The following TFEC variants were observed in gnomAD, a reference collection of about 807,000 sequenced individuals.
TFEC encodes the protein class E basic helix-loop-helix protein 34.
In TFEC, 31 loss-of-function variants were observed where a neutral mutation model predicts 41.6. That is an observed-to-expected ratio of 0.74 (90% CI 0.56 to 1.01). TFEC has a LOEUF of 1.01. Among genes scored for constraint, TFEC ranks in the 50% least tolerant of loss-of-function variants. The pLI is 0.00. For missense variants in TFEC, 402 were observed against 404.1 expected (o/e 0.99, Z 0.04); for synonymous variants, 143 against 140.6 (o/e 1.02, Z -0.12).
rs140863148 is a variant in TFEC, at chr7:115,951,647, G to A, written c.440-698C>T. The stretch of plus-strand genomic sequence containing the variant: ...AAAGATTCTAATTTTAGTGTGTCCT[G>A]GAAGTAGGGGGACAAGAGTGGGCAA... On this transcript the variant is annotated intron_variant, in intron 5 of 7. Transcript: ENST00000265440. 2.6e-5 allele frequency among the ~76,000 whole-genome samples: 4 copies of A among 152,192 alleles called. No homozygotes were observed. The East Asian group carries it at 7.7e-4, about 29-fold the overall frequency.
chr7:116,107,690 C>T (rs144835022), intron 3 of TFEC, among the ~76,000 whole-genome samples: 22 of 152,174 alleles, frequency 1.4e-4, no homozygotes, highest in African/African-American at 4.3e-4. Flanking sequence ...TTACTCTTAC[C>T]GGGAATCATC....
At chr7:115,974,285 T>G in intron 2 of TFEC, 29 bp from the exon 3 acceptor site, 1 of 1,464,002 alleles carries the variant, frequency 6.8e-7, no homozygotes, top group Non-Finnish European at 9.1e-7. Flanking sequence ...TTTAGAATAT[T>G]GTACATAATG....
At chr7:116,098,549 C>A (rs1382393357) in intron 3 of TFEC, among the ~76,000 whole-genome samples, 1 of 151,708 alleles carries the variant, frequency 6.6e-6, no homozygotes, top group East Asian at 1.9e-4. Context: ...CACCAAACAA[C>A]AGTTCATCAA....
chr7:116,109,844 G>A (rs1797809025), intron 3 of TFEC, among the ~76,000 whole-genome samples: 1 of 152,192 alleles, frequency 6.6e-6, no homozygotes, highest in Admixed American at 6.5e-5. Context: ...ATCAATGATA[G>A]ATCGGATTAA....
chr7:116,098,868 A>AAGGT (rs1797534689), intron 3 of TFEC, among the ~76,000 whole-genome samples: 1 of 14,652 alleles, frequency 6.8e-5, no homozygotes, highest in Admixed American at 6.1e-4. Context: ...AGAGGAAGAA[A>AAGGT]AGGAAGGAAG....
chr7:116,150,127 C>T (rs1798730420), intron 1 of TFEC, among the ~76,000 whole-genome samples: 1 of 152,196 alleles, frequency 6.6e-6, no homozygotes. Flanking sequence ...ATCTTTTTCA[C>T]ACTTAATCTA....
chr7:116,024,825 A>G (rs957952497), intron 1 of TFEC, among the ~76,000 whole-genome samples: 1 of 148,370 alleles, frequency 6.7e-6, no homozygotes, highest in Non-Finnish European at 1.5e-5. Context: ...TTTGCTTGCT[A>G]TTTTGTTTTA....
Position 116,025,380 on chromosome 7 carries a change from C to T in TFEC, c.-73+5253G>A, listed in dbSNP as rs116847197. ...CCTCAAAGGAAAAAGGAGAGAGGTC[C>T]TTCCTTTGCACTCTGAACTAGATTT... On this transcript the variant is annotated intron_variant, in intron 1 of 7. Transcript: ENST00000265440. Among the ~76,000 whole-genome samples, 17 of 152,164 alleles carry T rather than the reference C, an allele frequency of 1.1e-4. No individual in the cohort carries two copies. The East Asian group carries it at 3.3e-3, about 29-fold the overall frequency.
chr7:116,142,432 C>G (rs960243318), intron 1 of TFEC, among the ~76,000 whole-genome samples: 3 of 152,154 alleles, frequency 2.0e-5, no homozygotes, highest in African/African-American at 7.2e-5. Context: ...CTGGGTCCTA[C>G]CAGCTACAAT....
chr7:116,087,779 T>C (rs945211919), intron 3 of TFEC, among the ~76,000 whole-genome samples: 1 of 152,036 alleles, frequency 6.6e-6, no homozygotes, highest in Non-Finnish European at 1.5e-5. Context: ...ATTTCCAACT[T>C]GTAATTAAAT....
At chr7:116,088,748 C>T (rs935343145) in intron 3 of TFEC, among the ~76,000 whole-genome samples, 1 of 151,860 alleles carries the variant, frequency 6.6e-6, no homozygotes, top group African/African-American at 2.4e-5. Flanking sequence ...CATCTTAATT[C>T]TTCCTGATAA....
At chr7:115,965,161 T>A (rs918919890) in intron 3 of TFEC, among the ~76,000 whole-genome samples, 2 of 151,750 alleles carry the variant, frequency 1.3e-5, no homozygotes, top group African/African-American at 4.8e-5. Flanking sequence ...GGTATGTGTT[T>A]CATAAACTTT....
intron 3 of TFEC, among the ~76,000 whole-genome samples, chr7:116,078,346 T>C (rs370623739): frequency 6.6e-6 from 1 of 151,612 alleles, no homozygotes; most frequent in Non-Finnish European, 1.5e-5. Flanking sequence ...AGAGAAGACC[T>C]AAATGAAATT....
At chr7:116,157,432 G>T (rs1293013038) in intron 1 of TFEC, 2 of 151,988 alleles carry the variant, frequency 1.3e-5, no homozygotes, top group Non-Finnish European at 2.9e-5. Context: ...CAACAGTTAA[G>T]TTATGCATAC....
rs557873842 is a variant in TFEC, at chr7:115,954,246, T to C, written c.439+340A>G. On this transcript the variant is annotated intron_variant, in intron 5 of 7. Transcript: ENST00000265440. ...GGAGTTATGTTTCTTATTATTTAAATGTTGTACATTTTCAAAAGTCACTTT... is the reference window on the plus strand; with the variant it reads ...GGAGTTATGTTTCTTATTATTTAAACGTTGTACATTTTCAAAAGTCACTTT... Among the ~76,000 whole-genome samples the C allele has an allele frequency of 2.0e-5, 3 of 152,230 alleles. No individual in the cohort carries two copies. In the South Asian group the frequency reaches 6.2e-4, roughly 32 times the overall value.
At chr7:116,107,305 C>T (rs774868400) in intron 3 of TFEC, among the ~76,000 whole-genome samples, 2 of 152,096 alleles carry the variant, frequency 1.3e-5, no homozygotes, top group Non-Finnish European at 2.9e-5. Context: ...GCCATCAAAG[C>T]GAACACCTGA....
rs1226705031 is a variant in TFEC, at chr7:116,123,040, A to T, written c.-68-11002T>A. Among the ~76,000 whole-genome samples, 5 of 152,148 alleles carry T rather than the reference A, an allele frequency of 3.3e-5. 1 individual carries two copies. Among genetic ancestry groups the T allele is most frequent in the African/African-American group, 1.2e-4 (5 of 41,450 alleles). On this transcript the variant is annotated intron_variant, in intron 1 of 8. Coordinates refer to the TFEC transcript ENST00000484212. ...GAGAGTACAAATCAAAAAGAAAAAAACAGAGAAAGGAAAACATTAATGAAC... is the reference window on the plus strand; with the variant it reads ...GAGAGTACAAATCAAAAAGAAAAAATCAGAGAAAGGAAAACATTAATGAAC...
intron 6 of TFEC, among the ~76,000 whole-genome samples, chr7:115,948,329 T>A (rs1791722853): frequency 6.6e-6 from 1 of 151,472 alleles, no homozygotes; most frequent in African/African-American, 2.4e-5. Flanking sequence ...AAAGAGGGAA[T>A]CCTCCCTAAC....
At chr7:115,975,784 T>C (rs1041091681) in intron 2 of TFEC, among the ~76,000 whole-genome samples, 3 of 152,044 alleles carry the variant, frequency 2.0e-5, no homozygotes, top group Non-Finnish European at 4.4e-5. Context: ...AAGATTAACA[T>C]GGGAAAGGGT....
Sources: allele counts gnomAD v4.1 joint callset (sites outside exome capture counted in the v4.1 genomes callset), GRCh38; gene constraint gnomAD v4.1.1; transcripts MANE v1.5; gene names NCBI Gene and HGNC (gene_info 2026-07-23, HGNC 2026-07-21).